The following UTRN variants were observed in gnomAD, a reference collection of about 807,000 sequenced individuals.
UTRN encodes dystrophin-related protein 1.
In UTRN, 283 loss-of-function variants were observed where a neutral mutation model predicts 463.9. The observed-to-expected ratio is 0.61, with a 90% CI of 0.55 to 0.67. The LOEUF (loss-of-function observed/expected upper bound fraction) is 0.67, where lower values mean the gene tolerates loss of function less well. Ranked by LOEUF, UTRN falls within the 30% of genes least tolerant of loss-of-function variation. The pLI is 0.00. For synonymous variants in UTRN, 1,442 were observed against 1,431.5 expected (o/e 1.01, Z -0.17); for missense variants, 3,922 against 4,084.3 (o/e 0.96, Z 1.08).
At position 144,795,911 on chromosome 6, in the gene UTRN, GT is replaced by G. The variant is rs550931026; in HGVS notation, c.9079-1910del. ...TTGTTTGCTGTGCAGAAGCTCTTTAGTTTAATTAGATCCCATTTGTCAATTT... is the reference window on the plus strand; with the variant it reads ...TTGTTTGCTGTGCAGAAGCTCTTTAGTTAATTAGATCCCATTTGTCAATTT... On this transcript the variant is annotated intron_variant, in intron 63 of 74. Transcript: ENST00000367545. Among the ~76,000 whole-genome samples, 15 of 152,184 alleles carry G rather than the reference GT, an allele frequency of 9.9e-5. No homozygotes were observed. The South Asian group carries it at 3.1e-3, about 32-fold the overall frequency.
At chr6:144,544,479 T>C (rs1798229868) in intron 46 of UTRN, among the ~76,000 whole-genome samples, 1 of 152,170 alleles carries the variant, frequency 6.6e-6, no homozygotes, top group Non-Finnish European at 1.5e-5. Context: ...GATTTCTCTA[T>C]TCTGGATATT....
chr6:144,685,593 C>A lies in UTRN; in HGVS notation c.7652+7015C>A, dbSNP rs143405123. Reference sequence around the variant, plus strand: ...AAGGTGGTATCTCATTGTGGTTTTACCAGCATTTCCCTGAGGATTAGTGAT... The same window carrying A: ...AAGGTGGTATCTCATTGTGGTTTTAACAGCATTTCCCTGAGGATTAGTGAT... On this transcript the variant is annotated intron_variant, in intron 52 of 74. Transcript: ENST00000367545. Among the ~76,000 whole-genome samples the A allele has an allele frequency of 3.2e-3, 493 of 152,160 alleles. 1 individual carries two copies. Among genetic ancestry groups the A allele is most frequent in the Middle Eastern group, 0.01 (3 of 294 alleles).
intron 62 of UTRN, 113 bp from the exon 63 acceptor site, chr6:144,793,721 G>A (rs955058213): frequency 6.1e-6 from 8 of 1,306,568 alleles, no homozygotes; most frequent in Non-Finnish European, 8.4e-6. Context: ...TCAGATTCAT[G>A]TCCTTCTGAA....
intron 2 of UTRN, chr6:144,330,965 A>C: frequency 1.0e-6 from 1 of 985,344 alleles, no homozygotes; most frequent in Non-Finnish European, 1.2e-6. Context: ...AGCCGACGAG[A>C]AATGGAAGTG....
At chr6:144,636,484 G>A (rs1194140639) in intron 51 of UTRN, among the ~76,000 whole-genome samples, 1 of 152,054 alleles carries the variant, frequency 6.6e-6, no homozygotes, top group Non-Finnish European at 1.5e-5. Context: ...CATGACATGT[G>A]TATACCTATG....
chr6:144,611,826 G>A (rs1443618851), intron 51 of UTRN, among the ~76,000 whole-genome samples: 1 of 152,126 alleles, frequency 6.6e-6, no homozygotes, highest in African/African-American at 2.4e-5. Flanking sequence ...AAATTCCAGT[G>A]TCATTTTTTA....
intron 51 of UTRN, among the ~76,000 whole-genome samples, chr6:144,639,313 T>C (rs769661405): frequency 6.6e-6 from 1 of 152,196 alleles, no homozygotes; most frequent in Non-Finnish European, 1.5e-5. Flanking sequence ...TTTTTCACTT[T>C]TTTTCTTTGT....
intron 34 of UTRN, among the ~76,000 whole-genome samples, chr6:144,504,704 T>C (rs1388398744): frequency 6.6e-6 from 1 of 152,248 alleles, no homozygotes; most frequent in Non-Finnish European, 1.5e-5. Context: ...ATCAGGGATA[T>C]TGGCCTGAAA....
chr6:144,672,216 A>AG (rs1003928790), intron 51 of UTRN, among the ~76,000 whole-genome samples: 1 of 151,458 alleles, frequency 6.6e-6, no homozygotes, highest in African/African-American at 2.4e-5. Context: ...CTTGTGGAAT[A>AG]GTGTCAATAG....
In UTRN at chr6:144,851,132, A is replaced by T; in HGVS notation, c.*135A>T. On this transcript the variant is annotated 3_prime_UTR_variant, in exon 75 of 75. Coordinates refer to ENST00000367545, the MANE Select transcript of UTRN (RefSeq NM_007124.3). ...ATGTTGAGTGCTGACTGTGTGTTCT[A>T]CTGAAAGAGTAAAACACTGACTATC... 9.0e-7 allele frequency: 1 copy of T among 1,117,288 alleles called. No homozygotes were observed. The highest frequency in any genetic ancestry group is 1.4e-6 in the Non-Finnish European group (1 of 733,652). The allele number at this position is 1,117,288 out of a possible 1,614,324, so 69.2% of individuals were successfully genotyped here.
At chr6:144,410,568 C>G (rs892250543) in intron 3 of UTRN, among the ~76,000 whole-genome samples, 5 of 151,966 alleles carry the variant, frequency 3.3e-5, no homozygotes, top group Non-Finnish European at 7.4e-5. Context: ...CCCTCACCCC[C>G]ACTCCCACCT....
intron 61 of UTRN, among the ~76,000 whole-genome samples, chr6:144,785,629 A>G (rs1026246682): frequency 2.0e-5 from 3 of 152,152 alleles, no homozygotes; most frequent in Non-Finnish European, 4.4e-5. Context: ...TTCATCTGTC[A>G]TGGATGACAA....
At chr6:144,794,149 T>G (rs1777010347) in intron 63 of UTRN, among the ~76,000 whole-genome samples, 158 bp downstream of exon 63, 1 of 152,208 alleles carries the variant, frequency 6.6e-6, no homozygotes, top group African/African-American at 2.4e-5. Flanking sequence ...GCTCATTTGC[T>G]TCAAAAAATA....
chr6:144,320,238 G>C (rs1562245674), intron 2 of UTRN, among the ~76,000 whole-genome samples: 1 of 152,202 alleles, frequency 6.6e-6, no homozygotes, highest in Admixed American at 6.5e-5. Flanking sequence ...TTATAATTGT[G>C]AAGATTAAAT....
At position 144,550,989 on chromosome 6, in the gene UTRN, C is replaced by T. The variant is rs114254210; in HGVS notation, c.6835C>T (p.Arg2279Cys). The T allele has an allele frequency of 5.6e-6, 9 of 1,610,854 alleles. No individual in the cohort carries two copies. Among genetic ancestry groups the T allele is most frequent in the Non-Finnish European group, 6.8e-6 (8 of 1,179,100 alleles). ...MKITKADLEQ[R>C]HPQLDYVFTL... ...GATTACAAAGGCTGACTTAGAACAG[C>T]GCCATCCTCAGCTGGATTATGTTTT... Residue 2279 changes from arginine (R) to cysteine (C), a missense_variant, in exon 48 of 75, where the codon CGC becomes TGC. Arg to Cys is a radical substitution (Grantham distance 180). This residue lies in a region of UTRN where 1,309 missense variants were observed against 1,452.6 expected (regional missense o/e 0.90). Coordinates refer to ENST00000367545, the MANE Select transcript of UTRN (RefSeq NM_007124.3).
chr6:144,549,004 CA>C, intron 47 of UTRN, 150 bp downstream of exon 47: 2 of 765,000 alleles, frequency 2.6e-6, no homozygotes, highest in Non-Finnish European at 4.1e-6. Context: ...GGGCTAACTA[CA>C]AAGCATAGAG....
intron 19 of UTRN, among the ~76,000 whole-genome samples, chr6:144,455,814 G>A (rs1788755614): frequency 6.6e-6 from 1 of 152,146 alleles, no homozygotes; most frequent in African/African-American, 2.4e-5. Flanking sequence ...GTGACTATTA[G>A]TTTATTAGCT....
At chr6:144,574,100 G>A (rs569440605) in intron 50 of UTRN, among the ~76,000 whole-genome samples, 47 of 152,212 alleles carry the variant, frequency 3.1e-4, no homozygotes, top group Admixed American at 2.6e-3. Context: ...TAACATTTTC[G>A]TGTGGACACA....
intron 54 of UTRN, among the ~76,000 whole-genome samples, chr6:144,745,057 T>G (rs1790561353): frequency 6.6e-6 from 1 of 152,190 alleles, no homozygotes; most frequent in South Asian, 2.1e-4. Context: ...GGAGGGTTCC[T>G]GGATTATCAG....
Sources: gnomAD v4.1 joint callset for allele counts (sites outside exome capture counted in the v4.1 genomes callset) on GRCh38, gnomAD v4.1.1 for gene constraint, gnomAD v4.1.1 regional missense constraint, MANE v1.5 for transcripts, NCBI Gene and HGNC (gene_info 2026-07-23, HGNC 2026-07-21) for gene names.